The following TRIML1 variants were observed in gnomAD, a reference collection of about 807,000 sequenced individuals.
TRIML1 encodes probable E3 ubiquitin-protein ligase TRIML1.
Under a neutral mutation model 32.3 loss-of-function variants are expected in TRIML1, and 34 were observed. The observed-to-expected ratio is 1.05, with a 90% CI of 0.80 to 1.40. The LOEUF (loss-of-function observed/expected upper bound fraction) is 1.40, where lower values mean the gene tolerates loss of function less well. Ranked by LOEUF, TRIML1 falls within the 40% of genes most tolerant of loss-of-function variation. The pLI, the probability that TRIML1 is intolerant of heterozygous loss-of-function variation, is 0.00. For synonymous variants in TRIML1, 244 were observed against 226.6 expected (o/e 1.08, Z -0.69); for missense variants, 595 against 574.9 (o/e 1.03, Z -0.36).
Position 188,144,116 on chromosome 4 carries a change from T to C in TRIML1, c.839T>C (p.Met280Thr). The C allele has an allele frequency of 6.2e-7, 1 of 1,613,796 alleles. No homozygotes were observed. The highest frequency in any genetic ancestry group is 8.5e-7 in the Non-Finnish European group (1 of 1,179,858). The change falls in exon 5 of 6, where the codon ATG becomes ACG. Residue 280 changes from methionine (M) to threonine (T), a missense_variant. By Grantham distance (81) the Met-to-Thr change is moderately conservative. Coordinates refer to ENST00000332517, the MANE Select transcript of TRIML1 (RefSeq NM_178556.5). ...TGCCGCATCACGGGAATGAAGGAGA[T>C]GCTAAGAAAATTCAGCAGTAAGTCA... ...SLCRITGMKE[M>T]LRKFSTEITL...
chr4:188,141,194 GTCTC>G (rs554571767), intron 2 of TRIML1, among the ~76,000 whole-genome samples: 175 of 117,250 alleles, frequency 1.5e-3, no homozygotes, highest in African/African-American at 5.4e-3. Context: ...TGGAGATGGA[GTCTC>G]TCTCTGTCGC....
chr4:188,150,014 C>T (rs1218273477), downstream of TRIML1, among the ~76,000 whole-genome samples: 1 of 152,040 alleles, frequency 6.6e-6, no homozygotes, highest in Admixed American at 6.6e-5. Context: ...CCATGTTGGC[C>T]AGGATGGTCT....
chr4:188,139,766 C>T lies in TRIML1; in HGVS notation c.208C>T (p.Arg70Cys), dbSNP rs184902814. ...LEGPHFQSNERLGRLASIARQ... is the reference protein window; with the variant it reads ...LEGPHFQSNECLGRLASIARQ... ...GGGCCCGCATTTCCAGTCAAACGAG[C>T]GTCTGGGGAGGCTGGCCAGCATCGC... The change falls in exon 1 of 6, where the codon CGT becomes TGT. Residue 70 changes from arginine (R) to cysteine (C), a missense_variant. By Grantham distance (180) the Arg-to-Cys change is radical. Transcript: ENST00000332517. 23 of 1,613,768 alleles carry T rather than the reference C, an allele frequency of 1.4e-5. No individual in the cohort carries two copies. The highest frequency in any genetic ancestry group is 8.9e-5 in the East Asian group (4 of 44,888).
rs1225436097 is a variant in TRIML1 at position 188,139,660 on chromosome 4, C to A, written c.102C>A (p.Ser34Arg). Reference protein sequence around the residue: ...SSPVTTECGHSFCLVCLLRSW... With the variant: ...SSPVTTECGHRFCLVCLLRSW... ...CAGTGACCACCGAGTGTGGGCACAG[C>A]TTTTGTCTGGTGTGTCTCCTCAGGA... Residue 34 changes from serine (S) to arginine (R), a missense_variant, in exon 1 of 6, where the codon AGC becomes AGA. Coordinates refer to ENST00000332517, the MANE Select transcript of TRIML1 (RefSeq NM_178556.5). 1 of 1,614,146 alleles carries A rather than the reference C, an allele frequency of 6.2e-7. No homozygotes were observed. The highest frequency in any genetic ancestry group is 8.5e-7 in the Non-Finnish European group (1 of 1,180,026).
rs1326116724 is a variant in TRIML1, at chr4:188,139,637, G to C, written c.79G>C (p.Val27Leu). 6.2e-7 allele frequency: 1 copy of C among 1,614,052 alleles called. No homozygotes were observed. Among genetic ancestry groups the C allele is most frequent in the Non-Finnish European group, 8.5e-7 (1 of 1,179,938 alleles). Residue 27 changes from valine to leucine, a missense_variant, in exon 1 of 6, where the codon GTG (valine) becomes CTG (leucine). Physicochemically the swap from Val to Leu is conservative, Grantham distance 32. Coordinates refer to ENST00000332517, the MANE Select transcript of TRIML1 (RefSeq NM_178556.5). Reference sequence around the variant, plus strand: ...CTGCTTAGACTATTTCAGCAGCCCAGTGACCACCGAGTGTGGGCACAGCTT... The same window carrying C: ...CTGCTTAGACTATTTCAGCAGCCCACTGACCACCGAGTGTGGGCACAGCTT... The part of the protein sequence containing the change: ...FICLDYFSSP[V>L]TTECGHSFCL...
chr4:188,148,739 A>C (rs1735173040), downstream of TRIML1, among the ~76,000 whole-genome samples: 1 of 151,146 alleles, frequency 6.6e-6, no homozygotes, highest in Non-Finnish European at 1.5e-5. Flanking sequence ...AGTAGCTGGG[A>C]TTACAGGCAC....
rs1010001717 is a variant in TRIML1, at chr4:188,145,403, T to C, written c.856+1270T>C. Among the ~76,000 whole-genome samples, 7 of 132,810 alleles carry C rather than the reference T, an allele frequency of 5.3e-5. No individual in the cohort carries two copies. In the South Asian group the frequency reaches 7.7e-4, roughly 15 times the overall value. The allele number at this position is 132,810 out of a possible 152,430, so 87.1% of individuals were successfully genotyped here. ...GTTGCAGTGAGCAGAGATGGCGCCA[T>C]TGCATTCCAGCCTGGGCGACAGAGC... On this transcript the variant is annotated intron_variant, in intron 5 of 5. Coordinates refer to ENST00000332517, the MANE Select transcript of TRIML1 (RefSeq NM_178556.5).
chr4:188,144,869 C>G (rs1312072049), intron 5 of TRIML1, among the ~76,000 whole-genome samples: 1 of 152,156 alleles, frequency 6.6e-6, no homozygotes, highest in African/African-American at 2.4e-5. Context: ...CCAGCCAACA[C>G]TGAGAGACGT....
At chr4:188,137,916 C>CTTTTTTTTTT (rs1298700958), upstream of TRIML1, among the ~76,000 whole-genome samples, 7 of 131,572 alleles carry the variant, frequency 5.3e-5, no homozygotes, top group African/African-American at 1.4e-4. Flanking sequence ...CCTGGCCAAA[C>CTTTTTTTTTT]TTTTTTTCTT....
At position 188,142,445 on chromosome 4, in the gene TRIML1, A is replaced by G. The variant is rs1413526869; in HGVS notation, c.698A>G (p.Glu233Gly). 3.1e-6 allele frequency: 5 copies of G among 1,613,968 alleles called. No individual in the cohort carries two copies. The highest frequency in any genetic ancestry group is 2.2e-5 in the South Asian group (2 of 91,076). ...RSLSKMIAQI[E>G]SSSQSSAFES... ...CTAAGCAAAATGATCGCACAGATTG[A>G]GTCCTCAAGTCAAAGCTCGGCTTTC... The change falls in exon 3 of 6, where the codon GAG (glutamate) becomes GGG (glycine). Residue 233 changes from glutamate (E) to glycine (G), a missense_variant. Coordinates refer to ENST00000332517, the MANE Select transcript of TRIML1 (RefSeq NM_178556.5).
At chr4:188,142,819 C>T in intron 3 of TRIML1, 1 of 198,018 alleles carries the variant, frequency 5.1e-6, no homozygotes. Context: ...TAAATTTAAT[C>T]TTCACAAAGA....
Position 188,147,191 on chromosome 4 carries a change from T to C in TRIML1, c.1226T>C (p.Val409Ala), listed in dbSNP as rs1168953853. The change falls in exon 6 of 6, where the codon GTC (valine) becomes GCC (alanine). Residue 409 changes from valine to alanine, a missense_variant. By Grantham distance (64) the Val-to-Ala change is moderately conservative (BLOSUM62 0). Transcript: ENST00000332517. ...HVREPVCKVG[V>A]FLDYESGHIA... ...AGAGAGCCTGTGTGTAAGGTTGGTG[T>C]CTTCCTGGACTATGAATCTGGACAT... 2 of 1,613,968 alleles carry C rather than the reference T, an allele frequency of 1.2e-6. No homozygotes were observed. The highest frequency in any genetic ancestry group is 1.7e-6 in the Non-Finnish European group (2 of 1,179,978).
chr4:188,138,659 T>C (rs1031344474), upstream of TRIML1, among the ~76,000 whole-genome samples: 27 of 152,156 alleles, frequency 1.8e-4, no homozygotes, highest in African/African-American at 6.3e-4. Context: ...CAGTAAGAAC[T>C]GATAATCAGG....
chr4:188,137,941 T>C (rs1199373998), upstream of TRIML1, among the ~76,000 whole-genome samples: 1 of 107,470 alleles, frequency 9.3e-6, no homozygotes, highest in Non-Finnish European at 2.2e-5. Flanking sequence ...TTTTTAAGAC[T>C]CTTACAAGAC....
chr4:188,149,340 C>G (rs1011854771), downstream of TRIML1, among the ~76,000 whole-genome samples: 1 of 152,128 alleles, frequency 6.6e-6, no homozygotes, highest in South Asian at 2.1e-4. Flanking sequence ...GCAGGCAAGA[C>G]AGTGGATACG....
At chr4:188,143,650 C>A in intron 3 of TRIML1, 188 bp from the exon 4 acceptor site, 2 of 695,488 alleles carry the variant, frequency 2.9e-6, no homozygotes, top group African/African-American at 3.6e-5. Context: ...TGAGAAACAC[C>A]TTGTGTTCAC....
chr4:188,138,720 C>T (rs1488378424), upstream of TRIML1, among the ~76,000 whole-genome samples: 1 of 152,054 alleles, frequency 6.6e-6, no homozygotes, highest in African/African-American at 2.4e-5. Flanking sequence ...AATAAGTGAG[C>T]AAAATTACAT....
chr4:188,150,455 T>A (rs2111244383), downstream of TRIML1, among the ~76,000 whole-genome samples: 1 of 152,326 alleles, frequency 6.6e-6, no homozygotes, highest in South Asian at 2.1e-4. Context: ...ATTTTATATC[T>A]TGATTTCTCA....
Position 188,146,948 on chromosome 4 carries a change from C to T in TRIML1, c.983C>T (p.Ala328Val), listed in dbSNP as rs147254109. 27 of 1,529,180 alleles carry T rather than the reference C, an allele frequency of 1.8e-5. No homozygotes were observed. In the African/African-American group the frequency reaches 2.1e-4, roughly 12 times the overall value. 94.7% of individuals were successfully genotyped at this position (1,529,180 alleles called of 1,614,324 possible). A position where few individuals can be genotyped will look rare whatever the true frequency, so the allele number is the denominator to read the frequency against. The change falls in exon 6 of 6, where the codon GCG becomes GTG. Residue 328 changes from alanine (A) to valine (V), a missense_variant. Ala to Val is a moderately conservative substitution (Grantham distance 64). Coordinates refer to ENST00000332517, the MANE Select transcript of TRIML1 (RefSeq NM_178556.5). ...PDNPERFDQS[A>V]TVLGTQIFTS... ...AACCCGGAAAGATTTGACCAGTCTG[C>T]GACTGTGCTGGGTACTCAGATCTTC... is the stretch of plus-strand genomic sequence containing the variant.
Sources: allele counts gnomAD v4.1 joint callset (sites outside exome capture counted in the v4.1 genomes callset), GRCh38; gene constraint gnomAD v4.1.1; transcripts MANE v1.5; gene names NCBI Gene and HGNC (gene_info 2026-07-23, HGNC 2026-07-21).